MAP4: variants seen among roughly 807,000 people sequenced by gnomAD.
MAP4 encodes microtubule-associated protein 4.
Under a neutral mutation model 170.2 loss-of-function variants are expected in MAP4, and 76 were observed. The ratio of observed to expected loss-of-function variants is 0.45; its 90% CI spans 0.37 to 0.54. MAP4 has a LOEUF of 0.54. MAP4 is among the 20% of genes least tolerant of loss of function. The pLI is 0.00. For synonymous variants in MAP4, 909 were observed against 994.5 expected, an observed-to-expected ratio of 0.91 and a Z score of 1.62; for missense variants, 2,506 against 2,748.0, an observed-to-expected ratio of 0.91 and a Z score of 1.97.
intron 3 of MAP4, among the ~76,000 whole-genome samples, chr3:47,930,460 A>C (rs1019282896): frequency 2.6e-5 from 4 of 151,394 alleles, no homozygotes; most frequent in Non-Finnish European, 5.9e-5. Flanking sequence ...TCAAAAAAAA[A>C]AACAAACAAA....
At chr3:47,987,100 T>C (rs1260906156) in intron 2 of MAP4, among the ~76,000 whole-genome samples, 1 of 152,218 alleles carries the variant, frequency 6.6e-6, no homozygotes. Context: ...ATGAGATTCT[T>C]CATAATTTCA....
chr3:47,954,826 T>C (rs2100066701), intron 3 of MAP4, among the ~76,000 whole-genome samples: 1 of 150,796 alleles, frequency 6.6e-6, no homozygotes, highest in Admixed American at 6.6e-5. Flanking sequence ...GCCTACTTTG[T>C]TGTTATCTCC....
In MAP4 at chr3:48,041,677, T is replaced by A. The variant is rs1010208667; in HGVS notation, c.-19-42798A>T. Among the ~76,000 whole-genome samples the A allele has an allele frequency of 3.9e-5, 6 of 152,160 alleles. No individual in the cohort carries two copies. In the East Asian group the frequency reaches 1.2e-3, roughly 29 times the overall value. Reference sequence around the variant, plus strand: ...CTGGGCAACATGGCAAAACCCCATCTCAGTCTGGGTGATGCGGTGCGACCC... The same window carrying A: ...CTGGGCAACATGGCAAAACCCCATCACAGTCTGGGTGATGCGGTGCGACCC... On this transcript the variant is annotated intron_variant, in intron 1 of 18. Coordinates refer to the MAP4 transcript ENST00000360240.
chr3:47,865,198 A>G (rs2077250011), intron 17 of MAP4, among the ~76,000 whole-genome samples: 1 of 152,228 alleles, frequency 6.6e-6, no homozygotes, highest in South Asian at 2.1e-4. Context: ...CAGGTGATAC[A>G]TTAATGATGA....
chr3:47,913,669 T>C (rs1306134538), intron 8 of MAP4, among the ~76,000 whole-genome samples: 1 of 152,132 alleles, frequency 6.6e-6, no homozygotes, highest in East Asian at 1.9e-4. Flanking sequence ...AAATCTTTAC[T>C]GATTTGTTGA....
At chr3:47,891,238 T>G in intron 10 of MAP4, 2 of 1,536,302 alleles carry the variant, frequency 1.3e-6, no homozygotes, top group Non-Finnish European at 8.7e-7. Context: ...TATGGAGATA[T>G]AATCCAGCAG....
In MAP4 at chr3:47,968,299, G is replaced by A. The variant is rs116979300; in HGVS notation, c.292+9566C>T. Among the ~76,000 whole-genome samples, 46 of 152,192 alleles carry A rather than the reference G, an allele frequency of 3.0e-4. 1 individual carries two copies. Among genetic ancestry groups the A allele is most frequent in the Admixed American group, 2.4e-3 (37 of 15,276 alleles). ...GGACATCTTACAGAACATTCCACCC[G>A]CATCAAGAGCCGAATATACATTCTT... is the stretch of plus-strand genomic sequence containing the variant. On this transcript the variant is annotated intron_variant, in intron 3 of 20. Coordinates refer to ENST00000683076, the MANE Select transcript of MAP4 (RefSeq NM_001385682.1).
At position 47,852,139 on chromosome 3, in the gene MAP4, G is replaced by C. The variant is rs2043426018; in HGVS notation, c.*795C>G. 1 of 152,410 alleles carries C rather than the reference G, an allele frequency of 6.6e-6. No individual in the cohort carries two copies. Among genetic ancestry groups the C allele is most frequent in the African/African-American group, 2.4e-5 (1 of 41,446 alleles). 9.4% of individuals were successfully genotyped at this position (152,410 alleles called of 1,614,324 possible). On this transcript the variant is annotated 3_prime_UTR_variant, in exon 21 of 21. Transcript: ENST00000683076. ...CTAAGCTGCCCACATCCTCCAGCGG[G>C]GGTGGCATAAGGATATCTCCGCCCT...
intron 1 of MAP4, among the ~76,000 whole-genome samples, chr3:48,006,799 T>C (rs572653900): frequency 1.5e-4 from 23 of 152,348 alleles, no homozygotes; most frequent in East Asian, 3.9e-4. Flanking sequence ...TGGAGAATGA[T>C]AGTGGATTAT....
intron 4 of MAP4, among the ~76,000 whole-genome samples, chr3:47,928,023 T>C (rs953056296): frequency 6.6e-6 from 1 of 152,194 alleles, no homozygotes; most frequent in Non-Finnish European, 1.5e-5. Context: ...GTATTTAAAA[T>C]AGGTTTTGAA....
intron 3 of MAP4, among the ~76,000 whole-genome samples, chr3:47,956,325 A>G (rs1223800398): frequency 7.1e-6 from 1 of 140,392 alleles, no homozygotes; most frequent in Non-Finnish European, 1.6e-5. Flanking sequence ...TGACTGGGGA[A>G]AGAAAAAACT....
chr3:47,974,038 A>T lies in MAP4; in HGVS notation c.292+3827T>A, dbSNP rs578016190. 1.4e-5 allele frequency: 14 copies of T among 985,300 alleles called. No homozygotes were observed. The South Asian group carries it at 6.6e-4, about 46-fold the overall frequency. 61.0% of individuals were successfully genotyped at this position (985,300 alleles called of 1,614,324 possible). Reference sequence around the variant, plus strand: ...CCCTGTAGAAGAGGGAATGCTTCCTAAATTCCGGAAGTCGCTGCAAGGATT... The same window carrying T: ...CCCTGTAGAAGAGGGAATGCTTCCTTAATTCCGGAAGTCGCTGCAAGGATT... On this transcript the variant is annotated intron_variant, in intron 3 of 20. Transcript: ENST00000683076.
At chr3:47,866,940 G>C (rs149202708) in intron 17 of MAP4, among the ~76,000 whole-genome samples, 1 of 152,124 alleles carries the variant, frequency 6.6e-6, no homozygotes, top group Admixed American at 6.5e-5. Context: ...ACAGGCAACA[G>C]GTCTGCTGCT....
At chr3:47,957,228 C>A (rs545274950) in intron 3 of MAP4, among the ~76,000 whole-genome samples, 1 of 152,200 alleles carries the variant, frequency 6.6e-6, no homozygotes, top group Non-Finnish European at 1.5e-5. Context: ...AGTGCAGTGG[C>A]ACGATCTTGT....
At chr3:47,863,817 G>A (rs1487796222) in intron 17 of MAP4, among the ~76,000 whole-genome samples, 1 of 151,830 alleles carries the variant, frequency 6.6e-6, no homozygotes, top group African/African-American at 2.4e-5. Context: ...GGGTATGTCT[G>A]TCTGTCTGTC....
Position 47,928,278 on chromosome 3 carries a change from T to C in MAP4, c.365A>G (p.Asp122Gly), listed in dbSNP as rs1339096697. 4 of 1,614,188 alleles carry C rather than the reference T, an allele frequency of 2.5e-6. No individual in the cohort carries two copies. Among genetic ancestry groups the C allele is most frequent in the Non-Finnish European group, 2.5e-6 (3 of 1,180,024 alleles). The change falls in exon 4 of 21, where the codon GAT becomes GGT. Residue 122 changes from aspartate (D) to glycine (G), a missense_variant. By Grantham distance (94) the Asp-to-Gly change is moderately conservative. Around this residue, in one of 3 missense-constraint regions of MAP4, gnomAD observed 2,008 missense variants for 2,206.0 expected, o/e 0.91. Transcript: ENST00000683076. ...CTCAGGTTGGAAACAAAAGTTGGTA[T>C]CTTCTGGCCAGTTCTGGCTATTTGG... ...EYPNSQNWPEDTNFCFQPEQV... is the reference protein window; with the variant it reads ...EYPNSQNWPEGTNFCFQPEQV...
intron 2 of MAP4, among the ~76,000 whole-genome samples, chr3:47,980,123 G>A (rs1173835824): frequency 6.6e-6 from 1 of 152,134 alleles, no homozygotes; most frequent in Non-Finnish European, 1.5e-5. Context: ...GTGAGTCACT[G>A]CGCCTGGCCT....
intron 1 of MAP4, among the ~76,000 whole-genome samples, chr3:48,056,045 C>A (rs1419501055): frequency 7.1e-6 from 1 of 141,412 alleles, no homozygotes; most frequent in African/African-American, 2.6e-5. Context: ...CCTCTCCGCC[C>A]AGCAGCCACC....
At chr3:48,004,727 G>A (rs1363145628) in intron 1 of MAP4, among the ~76,000 whole-genome samples, 1 of 152,212 alleles carries the variant, frequency 6.6e-6, no homozygotes, top group Non-Finnish European at 1.5e-5. Flanking sequence ...CTTGGAATGG[G>A]GATGTGTGGG....
Sources: allele counts gnomAD v4.1 joint callset (sites outside exome capture counted in the v4.1 genomes callset), GRCh38; gene constraint gnomAD v4.1.1; regional missense constraint gnomAD v4.1.1; transcripts MANE v1.5; gene names NCBI Gene and HGNC (gene_info 2026-07-23, HGNC 2026-07-21).